The following ZNF765 variants were observed in gnomAD, a reference collection of about 807,000 sequenced individuals.
The protein encoded by ZNF765 is zinc finger protein 765.
A neutral mutation model predicts 44.7 loss-of-function variants in ZNF765; 37 were observed. The observed-to-expected ratio is 0.83, with a 90% confidence interval of 0.64 to 1.09. The LOEUF is 1.09. Among genes scored for constraint, ZNF765 ranks in the 50% least tolerant of loss-of-function variants. The pLI is 0.00. For synonymous variants in ZNF765, 201 were observed against 213.7 expected (o/e 0.94, Z 0.52); for missense variants, 594 against 626.1 (o/e 0.95, Z 0.55).
chr19:53,421,651 C>A (rs924435639), intron 3 of ZNF765, among the ~76,000 whole-genome samples: 4 of 152,022 alleles, frequency 2.6e-5, no homozygotes, highest in Non-Finnish European at 5.9e-5. Flanking sequence ...AGTAGCTGGG[C>A]TTACAGGTGC....
At chr19:53,413,400 GTTACCATATCAAGC>G (rs1425787515), downstream of ZNF765, 1 of 511,830 alleles carries the variant, frequency 2.0e-6, no homozygotes, top group Non-Finnish European at 3.7e-6. Flanking sequence ...TTACAATCAT[GTTACCATATCAAGC>G]TGAAAATGTC....
At chr19:53,402,294 T>C in intron 3 of ZNF765, 103 bp downstream of exon 3, 1 of 1,489,682 alleles carries the variant, frequency 6.7e-7, no homozygotes, top group Non-Finnish European at 8.8e-7. Context: ...TCTCGCTCTG[T>C]CGCCCAGGCT....
intron 1 of ZNF765, among the ~76,000 whole-genome samples, chr19:53,396,180 AAGG>A (rs1230313106): frequency 1.1e-4 from 16 of 152,168 alleles, no homozygotes; most frequent in East Asian, 3.9e-4. Flanking sequence ...TGCTGGTGGC[AAGG>A]AGAACAGAGG....
At chr19:53,418,447 AT>A (rs2085887688) in intron 3 of ZNF765, among the ~76,000 whole-genome samples, 1 of 152,172 alleles carries the variant, frequency 6.6e-6, no homozygotes, top group Non-Finnish European at 1.5e-5. Context: ...CAGAACCACA[AT>A]CCCATATCTA....
intron 2 of ZNF765, chr19:53,401,852 G>T: frequency 7.6e-7 from 1 of 1,308,346 alleles, no homozygotes; most frequent in Non-Finnish European, 1.1e-6. Context: ...CTCCAGGCTG[G>T]GCAACAGAGT....
chr19:53,409,980 A>G lies in ZNF765; in HGVS notation c.*853A>G. ...ACTATTGCAAATCATTGGAGAATCC[A>G]TAATGAAGAGAGATCCTACAAGTGT... On this transcript the variant is annotated 3_prime_UTR_variant, in exon 4 of 4. Coordinates refer to ENST00000396408, the MANE Select transcript of ZNF765 (RefSeq NM_001040185.3). 1 of 549,300 alleles carries G rather than the reference A, an allele frequency of 1.8e-6. No homozygotes were observed. The highest frequency in any genetic ancestry group is 2.2e-5 in the Admixed American group (1 of 44,828). 34.0% of individuals were successfully genotyped at this position (549,300 alleles called of 1,614,324 possible).
chr19:53,414,794 A>AT (rs2085864960), downstream of ZNF765, among the ~76,000 whole-genome samples: 1 of 148,710 alleles, frequency 6.7e-6, no homozygotes, highest in Non-Finnish European at 1.5e-5. Context: ...ACAGGTCACC[A>AT]CAGGTGCTCA....
chr19:53,401,879 A>T, intron 2 of ZNF765, 186 bp from the exon 3 acceptor site: 4 of 1,160,670 alleles, frequency 3.4e-6, no homozygotes, highest in African/African-American at 1.6e-5. Flanking sequence ...CCACCTTTAA[A>T]AAAAAAAAAA....
intron 3 of ZNF765, among the ~76,000 whole-genome samples, chr19:53,402,555 C>T (rs1345335481): frequency 4.6e-5 from 7 of 152,056 alleles, no homozygotes; most frequent in East Asian, 1.9e-4. Context: ...CCACCGTGCC[C>T]GGCCTATATT....
chr19:53,407,474 G>T (rs777253630), intron 3 of ZNF765, among the ~76,000 whole-genome samples: 15 of 152,190 alleles, frequency 9.9e-5, no homozygotes, highest in Non-Finnish European at 1.6e-4. Context: ...TGCCCTGTCA[G>T]TGTTTTGTCA....
Position 53,407,684 on chromosome 19 carries a change from T to C in ZNF765, c.143-14T>C. The C allele has an allele frequency of 2.0e-6, 3 of 1,524,020 alleles. No homozygotes were observed. The highest frequency in any genetic ancestry group is 2.6e-6 in the Non-Finnish European group (3 of 1,137,142). The allele number at this position is 1,524,020 out of a possible 1,614,324, so 94.4% of individuals were successfully genotyped here. A position where few individuals can be genotyped will look rare whatever the true frequency, so the allele number is the denominator to read the frequency against. Reference sequence around the variant, plus strand: ...GTACTTAATTTGAAACCTTTTGGTGTGTATACTTTTTAGATATCTCTTCCA... The same window carrying C: ...GTACTTAATTTGAAACCTTTTGGTGCGTATACTTTTTAGATATCTCTTCCA... On this transcript the variant is annotated splice_polypyrimidine_tract_variant and intron_variant, in intron 3 of 3. Transcript: ENST00000396408.
chr19:53,406,164 G>GA (rs974189177), intron 3 of ZNF765, among the ~76,000 whole-genome samples: 3 of 150,540 alleles, frequency 2.0e-5, no homozygotes, highest in African/African-American at 7.3e-5. Flanking sequence ...AAGTAGCTGA[G>GA]ATTACAGGCA....
chr19:53,414,387 C>T (rs1463183194), downstream of ZNF765, among the ~76,000 whole-genome samples: 1 of 146,960 alleles, frequency 6.8e-6, no homozygotes, highest in Non-Finnish European at 1.5e-5. Flanking sequence ...GAGATGCCCC[C>T]ACATTTTCCT....
At chr19:53,420,461 ACTCAC>A (rs1342165357) in intron 3 of ZNF765, among the ~76,000 whole-genome samples, 1 of 152,142 alleles carries the variant, frequency 6.6e-6, no homozygotes, top group African/African-American at 2.4e-5. Context: ...CTTTTACAAA[ACTCAC>A]CTCAACACTT....
At chr19:53,419,778 G>A (rs1273608418) in intron 3 of ZNF765, among the ~76,000 whole-genome samples, 1 of 152,054 alleles carries the variant, frequency 6.6e-6, no homozygotes, top group Non-Finnish European at 1.5e-5. Flanking sequence ...AGCACTTTAG[G>A]AGGCCGAGGC....
chr19:53,426,285 T>A (rs2085939148), exon 4 of ZNF765: 1 of 152,242 alleles, frequency 6.6e-6, no homozygotes, highest in Non-Finnish European at 1.5e-5. Context: ...AGCTACGTCT[T>A]CACAAATGGC....
chr19:53,425,133 G>C (rs1434764324), exon 4 of ZNF765: 2 of 152,176 alleles, frequency 1.3e-5, no homozygotes, highest in South Asian at 2.1e-4. Context: ...AGCTGACAGC[G>C]GCCAACAGGC....
At chr19:53,399,857 C>T (rs1296740829) in intron 2 of ZNF765, among the ~76,000 whole-genome samples, 1 of 151,838 alleles carries the variant, frequency 6.6e-6, no homozygotes, top group Admixed American at 6.6e-5. Flanking sequence ...TCTTTTTGTC[C>T]AGGCTGGAGC....
chr19:53,401,878 A>T (rs1185418381), intron 2 of ZNF765, 187 bp from the exon 3 acceptor site: 53 of 176,550 alleles, frequency 3.0e-4, no homozygotes, highest in Admixed American at 8.9e-4. Flanking sequence ...TCCACCTTTA[A>T]AAAAAAAAAA....
Sources: gnomAD v4.1 joint callset for allele counts (sites outside exome capture counted in the v4.1 genomes callset) on GRCh38, gnomAD v4.1.1 for gene constraint, MANE v1.5 for transcripts, NCBI Gene and HGNC (gene_info 2026-07-23, HGNC 2026-07-21) for gene names.